The following ISM2 variants were observed in gnomAD, a reference collection of about 807,000 sequenced individuals.
ISM2 encodes isthmin 2, also known as isthmin-2.
ISM2 carries 50 observed loss-of-function variants against 58.0 expected under a neutral mutation model. The ratio of observed to expected loss-of-function variants is 0.86; its 90% CI spans 0.69 to 1.09. ISM2 has a LOEUF of 1.09. Ranked by LOEUF, ISM2 falls within the 50% of genes least tolerant of loss-of-function variation. The pLI is 0.00. For missense variants in ISM2, 723 were observed against 745.0 expected (o/e 0.97, Z 0.34); for synonymous variants, 303 against 312.4 (o/e 0.97, Z 0.32).
At position 77,497,973 on chromosome 14, in the gene ISM2, T is replaced by A. The variant is rs114136549; in HGVS notation, c.141+680A>T. Among the ~76,000 whole-genome samples, 882 of 152,276 alleles carry A rather than the reference T, an allele frequency of 5.8e-3. 15 individuals carry two copies. Among genetic ancestry groups the A allele is most frequent in the African/African-American group, 0.02 (821 of 41,544 alleles). On this transcript the variant is annotated intron_variant, in intron 1 of 6. Coordinates refer to ENST00000342219, the MANE Select transcript of ISM2 (RefSeq NM_199296.3). The stretch of plus-strand genomic sequence containing the variant: ...ACAAGTCTGGCTGTCTTTGTCCCCA[T>A]GGGAATGAACGTCCGCTGCATTCCA...
chr14:77,476,079 T>C lies in ISM2; in HGVS notation c.1232A>G (p.Lys411Arg), dbSNP rs757574590. Reference sequence around the variant, plus strand: ...CAGATACTTGATTAGGAAGTCGCTCTTGCAGTTCAGCCACTTCTCACAGCT... The same window carrying C: ...CAGATACTTGATTAGGAAGTCGCTCCTGCAGTTCAGCCACTTCTCACAGCT... Reference protein sequence around the residue: ...VDSCEKWLNCKSDFLIKYLSQ... With the variant: ...VDSCEKWLNCRSDFLIKYLSQ... The change falls in exon 7 of 7, where the codon AAG (lysine) becomes AGG (arginine). Residue 411 changes from lysine to arginine, a missense_variant. Transcript: ENST00000342219. 3 of 1,527,232 alleles carry C rather than the reference T, an allele frequency of 2.0e-6. No individual in the cohort carries two copies. The highest frequency in any genetic ancestry group is 2.6e-6 in the Non-Finnish European group (3 of 1,140,976). 94.6% of individuals were successfully genotyped at this position (1,527,232 alleles called of 1,614,324 possible). A position where few individuals can be genotyped will look rare whatever the true frequency, so the allele number is the denominator to read the frequency against.
rs576754844 is a variant in ISM2, at chr14:77,497,689, G to A, written c.141+964C>T. On this transcript the variant is annotated intron_variant, in intron 1 of 6. Coordinates refer to ENST00000342219, the MANE Select transcript of ISM2 (RefSeq NM_199296.3). ...AGCCTGGGTGACAGAGAGAGATCCT[G>A]TCCCAAAAATAAAATAAAAGAGAGG... Among the ~76,000 whole-genome samples, 206 of 144,436 alleles carry A rather than the reference G, an allele frequency of 1.4e-3. 1 individual carries two copies. Among genetic ancestry groups the A allele is most frequent in the African/African-American group, 5.1e-3 (199 of 39,336 alleles). The allele number at this position is 144,436 out of a possible 152,430, so 94.8% of individuals were successfully genotyped here. A position where few individuals can be genotyped will look rare whatever the true frequency, so the allele number is the denominator to read the frequency against.
At position 77,475,510 on chromosome 14, in the gene ISM2, G is replaced by T; in HGVS notation, c.*85C>A. 2.7e-6 allele frequency: 1 copy of T among 364,340 alleles called. No homozygotes were observed. Among genetic ancestry groups the T allele is most frequent in the Non-Finnish European group, 4.5e-6 (1 of 223,160 alleles). 22.6% of individuals were successfully genotyped at this position (364,340 alleles called of 1,614,324 possible). ...GGAGCCCTTTCCTCACCCTGTCTGG[G>T]CAGGGGCGGGTGAGGAAAGTTCTCC... On this transcript the variant is annotated 3_prime_UTR_variant, in exon 7 of 7. Coordinates refer to ENST00000342219, the MANE Select transcript of ISM2 (RefSeq NM_199296.3). The surrounding 1 kb of genome is among the most constrained non-coding windows in gnomAD (Gnocchi z 4.1).
chr14:77,478,185 C>A, intron 6 of ISM2, 57 bp downstream of exon 6: 2 of 1,404,060 alleles, frequency 1.4e-6, no homozygotes, highest in South Asian at 2.3e-5. Flanking sequence ...AATACCCCAC[C>A]CTCCCCTGAG....
chr14:77,495,665 A>G (rs2079235013), intron 1 of ISM2, among the ~76,000 whole-genome samples: 1 of 152,114 alleles, frequency 6.6e-6, no homozygotes, highest in South Asian at 2.1e-4. Flanking sequence ...CAAGTGCTAC[A>G]GGCGCCTAGT....
At chr14:77,482,853 C>T (rs528613379) in intron 3 of ISM2, 186 bp from the exon 4 acceptor site, 14 of 524,966 alleles carry the variant, frequency 2.7e-5, no homozygotes, top group African/African-American at 3.8e-5. Context: ...TCACAGCTTA[C>T]GGCCTGGAGG....
intron 4 of ISM2, among the ~76,000 whole-genome samples, chr14:77,481,057 TG>T (rs1270556445): frequency 6.6e-6 from 1 of 151,480 alleles, no homozygotes; most frequent in Non-Finnish European, 1.5e-5. Context: ...ATCATCATCA[TG>T]GCCGGGCACG....
Position 77,478,265 on chromosome 14 carries a change from T to C in ISM2, c.1175A>G (p.Asn392Ser), listed in dbSNP as rs2079109946. The change falls in exon 6 of 7, where the codon AAT becomes AGT. Residue 392 changes from asparagine (N) to serine (S), a missense_variant. Physicochemically the swap from Asn to Ser is conservative, Grantham distance 46. Transcript: ENST00000342219. ...ACCTTGATCATGCATGTCCGTAGCA[T>C]TGCGGGCCAGGAGCTTCCACTCCTC... ...PSEEWKLLAR[N>S]ATDMHDQDVD... 4.3e-6 allele frequency: 7 copies of C among 1,614,150 alleles called. No homozygotes were observed. The highest frequency in any genetic ancestry group is 5.9e-6 in the Non-Finnish European group (7 of 1,179,992).
At chr14:77,495,668 C>T (rs921292072) in intron 1 of ISM2, among the ~76,000 whole-genome samples, 12 of 152,052 alleles carry the variant, frequency 7.9e-5, no homozygotes, top group East Asian at 1.9e-4. Flanking sequence ...GTGCTACAGG[C>T]GCCTAGTGGG....
At chr14:77,483,167 C>G (rs903462882) in intron 3 of ISM2, among the ~76,000 whole-genome samples, 1 of 152,144 alleles carries the variant, frequency 6.6e-6, no homozygotes, top group African/African-American at 2.4e-5. Flanking sequence ...TTATGTGAAA[C>G]TGAACTTCGG....
intron 1 of ISM2, among the ~76,000 whole-genome samples, chr14:77,489,429 C>G (rs559839563): frequency 1.3e-5 from 2 of 152,166 alleles, no homozygotes; most frequent in African/African-American, 2.4e-5. Flanking sequence ...CCTCTTTAGC[C>G]GGGCCTGAGA....
At chr14:77,496,514 C>A (rs1192534239) in intron 1 of ISM2, among the ~76,000 whole-genome samples, 1 of 141,990 alleles carries the variant, frequency 7.0e-6, no homozygotes, top group Non-Finnish European at 1.5e-5. Context: ...CCGGGCGTGG[C>A]GGCTCACACC....
chr14:77,495,517 A>C (rs899057591), intron 1 of ISM2, among the ~76,000 whole-genome samples: 1 of 152,198 alleles, frequency 6.6e-6, no homozygotes, highest in African/African-American at 2.4e-5. Flanking sequence ...AGTTAATTTT[A>C]TTATCACTGT....
At position 77,486,378 on chromosome 14, in the gene ISM2, C is replaced by T. The variant is rs533150259; in HGVS notation, c.142-1459G>A. Among the ~76,000 whole-genome samples the T allele has an allele frequency of 2.2e-3, 333 of 152,330 alleles. 1 individual carries two copies. The highest frequency in any genetic ancestry group is 7.6e-3 in the African/African-American group (314 of 41,574). On this transcript the variant is annotated intron_variant, in intron 1 of 6. Transcript: ENST00000342219. ...CTGGCTCCAGGGCTCCTGCACTAAA[C>T]GCCTGGTCCCAGGGCAGCCGTGGGC...
rs757488139 is a variant in ISM2, at chr14:77,475,990, G to A, written c.1321C>T (p.Pro441Ser). The A allele has an allele frequency of 6.3e-7, 1 of 1,590,654 alleles. No homozygotes were observed. Among genetic ancestry groups the A allele is most frequent in the Non-Finnish European group, 8.5e-7 (1 of 1,173,436 alleles). The change falls in exon 7 of 7, where the codon CCT becomes TCT. Residue 441 changes from proline to serine, a missense_variant. Coordinates refer to ENST00000342219, the MANE Select transcript of ISM2 (RefSeq NM_199296.3). The surrounding 1 kb of genome is among the most constrained non-coding windows in gnomAD (Gnocchi z 4.1). ...TGGTGCTCGTCCTGTAGGCTCACAGGGCTGTCCATGGCCTCCAGTGGGTAG... is the reference window on the plus strand; with the variant it reads ...TGGTGCTCGTCCTGTAGGCTCACAGAGCTGTCCATGGCCTCCAGTGGGTAG... ...CAYPLEAMDS[P>S]VSLQDEHQGR...
At position 77,480,927 on chromosome 14, in the gene ISM2, T is replaced by C. The variant is rs533149541; in HGVS notation, c.973+1395A>G. On this transcript the variant is annotated intron_variant, in intron 4 of 6. Coordinates refer to ENST00000342219, the MANE Select transcript of ISM2 (RefSeq NM_199296.3). ...GGAAGAGCCTGTCACAAGTTAGTCT[T>C]AACAATAGGCACCTCTGTCCATTGA... Among the ~76,000 whole-genome samples, 17 of 152,210 alleles carry C rather than the reference T, an allele frequency of 1.1e-4. No individual in the cohort carries two copies. In the East Asian group the frequency reaches 2.7e-3, roughly 24 times the overall value.
At chr14:77,494,031 C>A (rs1426762271) in intron 1 of ISM2, among the ~76,000 whole-genome samples, 2 of 152,118 alleles carry the variant, frequency 1.3e-5, no homozygotes, top group Non-Finnish European at 2.9e-5. Flanking sequence ...CCCGCCTCGG[C>A]CTCCCAAAGT....
At position 77,474,512 on chromosome 14, in the gene ISM2, T is replaced by G. The variant is rs1423745772; in HGVS notation, c.*1083A>C. ...TCTTGTGAACAGAGACAGTTGAGACTTCAATATTTCAACCCCATAGAAGGC... is the reference window on the plus strand; with the variant it reads ...TCTTGTGAACAGAGACAGTTGAGACGTCAATATTTCAACCCCATAGAAGGC... On this transcript the variant is annotated 3_prime_UTR_variant, in exon 7 of 7. Coordinates refer to ENST00000342219, the MANE Select transcript of ISM2 (RefSeq NM_199296.3). 1 of 152,158 alleles carries G rather than the reference T, an allele frequency of 6.6e-6. No homozygotes were observed. Among genetic ancestry groups the G allele is most frequent in the Non-Finnish European group, 1.5e-5 (1 of 68,062 alleles). The allele number at this position is 152,158 out of a possible 1,614,324, so 9.4% of individuals were successfully genotyped here. A position where few individuals can be genotyped will look rare whatever the true frequency, so the allele number is the denominator to read the frequency against.
Position 77,482,403 on chromosome 14 carries a change from A to G in ISM2, c.892T>C (p.Trp298Arg), listed in dbSNP as rs766117610. The change falls in exon 4 of 7, where the codon TGG (tryptophan) becomes CGG (arginine). Residue 298 changes from tryptophan (W) to arginine (R), a missense_variant. Transcript: ENST00000342219. ...KEEDEEEQAL[W>R]FNGTTDNWDQ... ...CAGTTGTCTGTAGTTCCATTGAACC[A>G]GAGCGCCTGCTCTTCCTCATCTTCC... is the stretch of plus-strand genomic sequence containing the variant. 23 of 1,614,092 alleles carry G rather than the reference A, an allele frequency of 1.4e-5. No homozygotes were observed. The highest frequency in any genetic ancestry group is 1.9e-5 in the Non-Finnish European group (23 of 1,180,036).
Sources: allele counts gnomAD v4.1 joint callset (sites outside exome capture counted in the v4.1 genomes callset), GRCh38; gene constraint gnomAD v4.1.1; non-coding constraint Gnocchi (gnomAD v3.1); transcripts MANE v1.5; gene names NCBI Gene and HGNC (gene_info 2026-07-23, HGNC 2026-07-21).